The following RTEL1 variants were observed in gnomAD, a reference collection of about 807,000 sequenced individuals.
The protein encoded by RTEL1 is regulator of telomere elongation helicase 1, also known as regulator of telomere length.
Under a neutral mutation model 162.2 loss-of-function variants are expected in RTEL1, and 86 were observed. That is an observed-to-expected ratio of 0.53 (90% confidence interval 0.45 to 0.63). RTEL1 has a LOEUF of 0.63. Ranked by LOEUF, RTEL1 falls within the 30% of genes least tolerant of loss-of-function variation. The pLI, the probability that RTEL1 is intolerant of heterozygous loss-of-function variation, is 0.00. For synonymous variants in RTEL1, 958 were observed against 717.9 expected, an observed-to-expected ratio of 1.33 and a Z score of -5.35; for missense variants, 1,941 against 1,750.2, an observed-to-expected ratio of 1.11 and a Z score of -1.95.
At chr20:63,685,952 C>T in intron 16 of RTEL1, 80 bp downstream of exon 16, 1 of 1,380,412 alleles carries the variant, frequency 7.2e-7, no homozygotes, top group Non-Finnish European at 1.0e-6. Flanking sequence ...AGGCACATGC[C>T]CAGCCGTGGA....
chr20:63,693,232 G>C lies in RTEL1; in HGVS notation c.2941G>C (p.Glu981Gln). The change falls in exon 30 of 35, where the codon GAG becomes CAG. Residue 981 changes from glutamate (E) to glutamine (Q), a missense_variant. Coordinates refer to ENST00000360203, the MANE Select transcript of RTEL1 (RefSeq NM_001283009.2). The stretch of plus-strand genomic sequence containing the variant: ...AGGACGAGGCTGTGGCTATCGGCCT[G>C]AGCACAGCATTCCCCGAAGGCAGCG... ...LTGRGCGYRPEHSIPRRQRAQ... is the reference protein window; with the variant it reads ...LTGRGCGYRPQHSIPRRQRAQ... 1.9e-6 allele frequency: 3 copies of C among 1,612,082 alleles called. No individual in the cohort carries two copies. Among genetic ancestry groups the C allele is most frequent in the African/African-American group, 1.3e-5 (1 of 74,968 alleles).
At chr20:63,687,329 G>T (rs997185505) in intron 16 of RTEL1, 4 of 318,310 alleles carry the variant, frequency 1.3e-5, no homozygotes, top group Non-Finnish European at 2.3e-5. Context: ...GCCCTGAGCC[G>T]CATGTCACAG....
chr20:63,660,160 C>T (rs542341527), intron 2 of RTEL1, among the ~76,000 whole-genome samples: 3 of 152,152 alleles, frequency 2.0e-5, no homozygotes, highest in Non-Finnish European at 4.4e-5. Context: ...GGTTTTATAC[C>T]GAAACATTCA....
intron 6 of RTEL1, among the ~76,000 whole-genome samples, chr20:63,665,690 C>T (rs1003275368): frequency 2.0e-5 from 3 of 152,122 alleles, no homozygotes; most frequent in African/African-American, 4.8e-5. Flanking sequence ...TGAGTGTAGC[C>T]GCCACTCCTG....
At chr20:63,679,341 C>T (rs2090435503) in intron 12 of RTEL1, among the ~76,000 whole-genome samples, 1 of 152,162 alleles carries the variant, frequency 6.6e-6, no homozygotes, top group Non-Finnish European at 1.5e-5. Flanking sequence ...GCTCCTCGGC[C>T]ACCCTGCACC....
Position 63,690,870 on chromosome 20 carries a change from GC to G in RTEL1, c.2482del (p.Arg828GlyfsTer76). The G allele has an allele frequency of 6.3e-7, 1 of 1,599,562 alleles. No individual in the cohort carries two copies. Among genetic ancestry groups the G allele is most frequent in the Non-Finnish European group, 8.5e-7 (1 of 1,174,378 alleles). On this transcript the variant is annotated frameshift_variant, in exon 27 of 35. Transcript: ENST00000360203. LOFTEE classifies it high-confidence loss of function. Reference protein sequence around the residue: ...CVEYEQEPVPARQRPRGLLAA... With the variant: ...CVEYEQEPVPXRQRPRGLLAA... Reference sequence around the variant, plus strand: ...GGAGTATGAGCAGGAGCCAGTTCCTGCCCGGCAGAGGCCCAGGGGGCTGCTG... The same window carrying G: ...GGAGTATGAGCAGGAGCCAGTTCCTGCCGGCAGAGGCCCAGGGGGCTGCTG...
intron 2 of RTEL1, 116 bp downstream of exon 2, chr20:63,659,620 C>A: frequency 1.3e-6 from 1 of 786,370 alleles, no homozygotes; most frequent in Non-Finnish European, 2.2e-6. Context: ...GAGGCAGCGT[C>A]TGTCATAAAA....
intron 14 of RTEL1, among the ~76,000 whole-genome samples, chr20:63,683,245 C>T (rs2090513982): frequency 6.6e-6 from 1 of 152,196 alleles, no homozygotes; most frequent in Non-Finnish European, 1.5e-5. Flanking sequence ...GGATTACAGG[C>T]AAGAGCTTCC....
In RTEL1 at chr20:63,687,944, C is replaced by G; in HGVS notation, c.1489C>G (p.Pro497Ala). The change falls in exon 18 of 35, where the codon CCA becomes GCA. Residue 497 changes from proline (P) to alanine (A), a missense_variant. By Grantham distance (27) the Pro-to-Ala change is conservative. Transcript: ENST00000360203. The stretch of plus-strand genomic sequence containing the variant: ...CCCTCTGGCCACGCTCAGCCCTTTC[C>G]CAGTCTGCCTGGAGAACCCACACAT... ...SFALEMQIPF[P>A]VCLENPHIID... The G allele has an allele frequency of 6.2e-7, 1 of 1,612,644 alleles. No individual in the cohort carries two copies. Among genetic ancestry groups the G allele is most frequent in the Non-Finnish European group, 8.5e-7 (1 of 1,179,858 alleles).
rs1268614768 is a variant in RTEL1, at chr20:63,689,756, T to A, written c.2032T>A (p.Ser678Thr). 6.2e-7 allele frequency: 1 copy of A among 1,611,978 alleles called. No individual in the cohort carries two copies. Among genetic ancestry groups the A allele is most frequent in the Non-Finnish European group, 8.5e-7 (1 of 1,179,606 alleles). Reference sequence around the variant, plus strand: ...GAGCCGCCTCGCCCCACAGTTCCTCTCTGGGCAGGAGTGGTACCGGCAGCA... The same window carrying A: ...GAGCCGCCTCGCCCCACAGTTCCTCACTGGGCAGGAGTGGTACCGGCAGCA... ...GQGGAGGQFL[S>T]GQEWYRQQAS... Residue 678 changes from serine (S) to threonine (T), a missense_variant, in exon 24 of 35, where the codon TCT becomes ACT. Ser to Thr is a moderately conservative substitution (Grantham distance 58, BLOSUM62 1). Coordinates refer to ENST00000360203, the MANE Select transcript of RTEL1 (RefSeq NM_001283009.2).
intron 17 of RTEL1, 58 bp downstream of exon 17, chr20:63,687,828 T>C: frequency 6.4e-7 from 1 of 1,554,544 alleles, no homozygotes. Context: ...ATCAGCGGGG[T>C]GGAAGTGGTG....
chr20:63,694,825 C>T lies in RTEL1; in HGVS notation c.3194C>T (p.Ala1065Val). 6.2e-7 allele frequency: 1 copy of T among 1,612,560 alleles called. No individual in the cohort carries two copies. Among genetic ancestry groups the T allele is most frequent in the Non-Finnish European group, 8.5e-7 (1 of 1,179,824 alleles). Residue 1065 changes from alanine to valine, a missense_variant, in exon 32 of 35, where the codon GCT (alanine) becomes GTT (valine). Coordinates refer to ENST00000360203, the MANE Select transcript of RTEL1 (RefSeq NM_001283009.2). ...QGQHAVSAYL[A>V]DARRALGSAG... ...CAGCACGCCGTGAGCGCCTACCTGG[C>T]TGATGCCCGCAGGGCCCTGGGGTCC...
chr20:63,677,239 GT>G (rs1439774375), intron 10 of RTEL1, among the ~76,000 whole-genome samples: 42 of 152,328 alleles, frequency 2.8e-4, no homozygotes, highest in African/African-American at 9.4e-4. Flanking sequence ...GTTGGTCATG[GT>G]TACTGGGTTG....
chr20:63,659,535 G>A (rs1222006458), intron 2 of RTEL1, 31 bp downstream of exon 2: 2 of 1,528,958 alleles, frequency 1.3e-6, no homozygotes, highest in South Asian at 2.2e-5. Context: ...AAAGGACTGC[G>A]GGTGGGTGGA....
rs2090770317 is a variant in RTEL1, at chr20:63,692,417, C to T, written c.2653-388C>T. 3 of 312,220 alleles carry T rather than the reference C, an allele frequency of 9.6e-6. No individual in the cohort carries two copies. In the Admixed American group the frequency reaches 1.3e-4, roughly 14 times the overall value. 19.3% of individuals were successfully genotyped at this position (312,220 alleles called of 1,614,324 possible). On this transcript the variant is annotated intron_variant, in intron 28 of 34. Transcript: ENST00000360203. ...GGTCTGGGGTGTGTAGAGAGATGGG[C>T]ACTGCTCATCCGGAAGCCCCTCCTT...
intron 21 of RTEL1, 56 bp from the exon 22 acceptor site, chr20:63,688,999 G>A (rs2090660337): frequency 6.8e-7 from 1 of 1,478,188 alleles, no homozygotes; most frequent in South Asian, 1.1e-5. Context: ...TCCCTCATGG[G>A]GGAGGAAGGG....
At position 63,695,309 on chromosome 20, in the gene RTEL1, C is replaced by T. The variant is rs1346508784; in HGVS notation, c.3500-19C>T. The T allele has an allele frequency of 2.5e-6, 4 of 1,575,734 alleles. No individual in the cohort carries two copies. Among genetic ancestry groups the T allele is most frequent in the Non-Finnish European group, 3.4e-6 (4 of 1,160,408 alleles). On this transcript the variant is annotated intron_variant, in intron 33 of 34. Coordinates refer to ENST00000360203, the MANE Select transcript of RTEL1 (RefSeq NM_001283009.2). ...AGCAAAGCCCCAGGCCCCCCTCAGACTCAAGTCTCTGTCTCCAGGCCCCTC... is the reference window on the plus strand; with the variant it reads ...AGCAAAGCCCCAGGCCCCCCTCAGATTCAAGTCTCTGTCTCCAGGCCCCTC...
At chr20:63,690,236 GA>G in intron 25 of RTEL1, 26 bp downstream of exon 25, 1 of 1,609,956 alleles carries the variant, frequency 6.2e-7, no homozygotes, top group African/African-American at 1.3e-5. Flanking sequence ...GGGAGGGGAT[GA>G]GGGTGTTGTC....
chr20:63,679,210 C>T (rs2090433121), intron 12 of RTEL1, among the ~76,000 whole-genome samples: 1 of 152,168 alleles, frequency 6.6e-6, no homozygotes, highest in Non-Finnish European at 1.5e-5. Flanking sequence ...TGGGGGCTCT[C>T]CTGAGCGCAC....
Sources: gnomAD v4.1 joint callset for allele counts (sites outside exome capture counted in the v4.1 genomes callset) on GRCh38, gnomAD v4.1.1 for gene constraint, MANE v1.5 for transcripts, NCBI Gene and HGNC (gene_info 2026-07-23, HGNC 2026-07-21) for gene names.